The following WNK1 variants were observed in gnomAD, a reference collection of about 807,000 sequenced individuals.
The protein encoded by WNK1 is WNK lysine deficient protein kinase 1.
A neutral mutation model predicts 222.8 loss-of-function variants in WNK1; 38 were observed. The observed-to-expected ratio is 0.17, with a 90% CI of 0.13 to 0.22. The LOEUF (loss-of-function observed/expected upper bound fraction) is 0.22. Ranked by LOEUF, WNK1 falls within the 10% of genes least tolerant of loss-of-function variation. The pLI, the probability that WNK1 is intolerant of heterozygous loss-of-function variation, is 1.00. For synonymous variants in WNK1, 1,090 were observed against 1,092.9 expected, an observed-to-expected ratio of 1.00 and a Z score of 0.05; for missense variants, 2,348 against 2,918.4, an observed-to-expected ratio of 0.80 and a Z score of 4.50.
At chr12:879,513 C>CT (rs10717495) in intron 10 of WNK1, 60 bp from the exon 11 acceptor site, 13,732 of 398,760 alleles carry the variant, frequency 0.034, 32 homozygotes, top group African/African-American at 0.059. Context: ...GGCAGCCTTG[C>CT]TTTTTTTTTT....
intron 1 of WNK1, among the ~76,000 whole-genome samples, chr12:761,175 A>C (rs1381867961): frequency 6.8e-6 from 1 of 147,714 alleles, no homozygotes; most frequent in Non-Finnish European, 1.5e-5. Context: ...AACTTAATTG[A>C]TCATATAATA....
chr12:809,552 G>A (rs1274886384), intron 1 of WNK1, among the ~76,000 whole-genome samples: 2 of 152,130 alleles, frequency 1.3e-5, no homozygotes, highest in Non-Finnish European at 2.9e-5. Flanking sequence ...AAAACACCTT[G>A]AAAGCCATGT....
chr12:903,589 C>G (rs72650777), intron 26 of WNK1, among the ~76,000 whole-genome samples: 2 of 152,076 alleles, frequency 1.3e-5, no homozygotes, highest in Non-Finnish European at 2.9e-5. Context: ...AATTCTCATC[C>G]CACTTTTAAA....
At chr12:775,539 A>T (rs1591641303) in intron 1 of WNK1, among the ~76,000 whole-genome samples, 2 of 152,146 alleles carry the variant, frequency 1.3e-5, no homozygotes, top group African/African-American at 4.8e-5. Flanking sequence ...GCAAGACCTC[A>T]TCTCTGCAAA....
At chr12:776,681 T>C (rs999289614) in intron 1 of WNK1, among the ~76,000 whole-genome samples, 21 of 150,978 alleles carry the variant, frequency 1.4e-4, no homozygotes, top group Admixed American at 1.4e-3. Context: ...CTGCCCGCCT[T>C]GGCCTCCCAA....
chr12:812,298 C>G (rs1478581245), intron 1 of WNK1, among the ~76,000 whole-genome samples: 1 of 151,932 alleles, frequency 6.6e-6, no homozygotes, highest in Non-Finnish European at 1.5e-5. Context: ...TTATTAAGGA[C>G]ACACACACAC....
intron 4 of WNK1, among the ~76,000 whole-genome samples, chr12:831,455 TG>T (rs1344721473): frequency 6.6e-6 from 1 of 151,596 alleles, no homozygotes; most frequent in Non-Finnish European, 1.5e-5. Context: ...CGAGAATCTC[TG>T]GAACCCGGGA....
At chr12:879,111 G>A (rs552324322) in intron 10 of WNK1, among the ~76,000 whole-genome samples, 18 of 152,214 alleles carry the variant, frequency 1.2e-4, no homozygotes, top group African/African-American at 4.1e-4. Flanking sequence ...TTGGACTTAA[G>A]AATTTTAGAA....
At chr12:783,338 T>G (rs865828170) in intron 1 of WNK1, among the ~76,000 whole-genome samples, 4 of 152,228 alleles carry the variant, frequency 2.6e-5, no homozygotes, top group Middle Eastern at 3.4e-3. Flanking sequence ...CCAGCAACAT[T>G]TCAGTGAAGT....
intron 26 of WNK1, chr12:904,576 C>T: frequency 1.1e-6 from 1 of 915,674 alleles, no homozygotes; most frequent in Non-Finnish European, 1.5e-6. Context: ...AGTCTCATAG[C>T]TCCCTGATTC....
chr12:878,337 G>A lies in WNK1; in HGVS notation c.2349G>A (p.Leu783=). ...GTCAGCCTCAAGCTCCACAAGTCTTGCCTCAAGTATCAGCTGGAAAACAGG... is the reference window on the plus strand; with the variant it reads ...GTCAGCCTCAAGCTCCACAAGTCTTACCTCAAGTATCAGCTGGAAAACAGG... ...PVSQPQAPQV[L]PQVSAGKQLP... The change falls in exon 10 of 28, where the codon TTG becomes TTA. Residue 783 remains leucine (L), a synonymous_variant. Transcript: ENST00000315939. 1 of 1,613,052 alleles carries A rather than the reference G, an allele frequency of 6.2e-7. No individual in the cohort carries two copies. Among genetic ancestry groups the A allele is most frequent in the Non-Finnish European group, 8.5e-7 (1 of 1,179,866 alleles).
intron 26 of WNK1, among the ~76,000 whole-genome samples, chr12:903,824 A>G (rs959849569): frequency 3.9e-5 from 6 of 152,330 alleles, no homozygotes; most frequent in Admixed American, 1.3e-4. Context: ...GTATTATTCT[A>G]TGCTCTCAAA....
At chr12:773,409 A>G (rs1284564617) in intron 1 of WNK1, among the ~76,000 whole-genome samples, 1 of 152,224 alleles carries the variant, frequency 6.6e-6, no homozygotes, top group African/African-American at 2.4e-5. Flanking sequence ...ACTCTAGAGC[A>G]TACCAAAGAT....
At position 881,683 on chromosome 12, in the gene WNK1, G is replaced by T. The variant is rs368089909; in HGVS notation, c.3112-9G>T. Reference sequence around the variant, plus strand: ...CTACCGAGATTTGAGTTATCTTTTCGATTCACAGAGTACTCAGGGAGTCTC... The same window carrying T: ...CTACCGAGATTTGAGTTATCTTTTCTATTCACAGAGTACTCAGGGAGTCTC... On this transcript the variant is annotated splice_polypyrimidine_tract_variant and intron_variant, in intron 12 of 27. Coordinates refer to ENST00000315939, the MANE Select transcript of WNK1 (RefSeq NM_018979.4). 4 of 1,608,022 alleles carry T rather than the reference G, an allele frequency of 2.5e-6. No homozygotes were observed. In the African/African-American group the frequency reaches 5.3e-5, roughly 22 times the overall value.
intron 1 of WNK1, among the ~76,000 whole-genome samples, chr12:767,821 C>G (rs1941960942): frequency 6.6e-6 from 1 of 152,124 alleles, no homozygotes; most frequent in Admixed American, 6.5e-5. Context: ...CATACTTCTA[C>G]ACACCTCTTA....
intron 1 of WNK1, among the ~76,000 whole-genome samples, chr12:790,732 T>G (rs1944756237): frequency 6.6e-6 from 1 of 152,174 alleles, no homozygotes; most frequent in Admixed American, 6.5e-5. Context: ...TATCTTAGTG[T>G]TACTATGAGT....
rs1487276540 is a variant in WNK1, at chr12:893,452, C to G, written c.5510-1110C>G. Among the ~76,000 whole-genome samples, 3 of 152,114 alleles carry G rather than the reference C, an allele frequency of 2.0e-5. No homozygotes were observed. In the East Asian group the frequency reaches 5.8e-4, roughly 29 times the overall value. ...TAAAAATCGCTCAATGTTCTACTAGCTGTATAAAATAAATATATCTCTAGA... is the reference window on the plus strand; with the variant it reads ...TAAAAATCGCTCAATGTTCTACTAGGTGTATAAAATAAATATATCTCTAGA... On this transcript the variant is annotated intron_variant, in intron 22 of 27. Coordinates refer to ENST00000315939, the MANE Select transcript of WNK1 (RefSeq NM_018979.4).
At chr12:855,867 G>A (rs1220315335) in intron 4 of WNK1, among the ~76,000 whole-genome samples, 1 of 151,892 alleles carries the variant, frequency 6.6e-6, no homozygotes, top group Non-Finnish European at 1.5e-5. Flanking sequence ...TAAAGATGGA[G>A]TCTTGCTCTG....
chr12:772,540 T>C (rs954328338), intron 1 of WNK1, among the ~76,000 whole-genome samples: 6 of 152,136 alleles, frequency 3.9e-5, no homozygotes, highest in African/African-American at 1.4e-4. Context: ...GTTATGTTGC[T>C]GTATGGTGGC....
Sources: allele counts gnomAD v4.1 joint callset (sites outside exome capture counted in the v4.1 genomes callset), GRCh38; gene constraint gnomAD v4.1.1; transcripts MANE v1.5; gene names NCBI Gene and HGNC (gene_info 2026-07-23, HGNC 2026-07-21).